ACBD6: variants seen among roughly 807,000 people sequenced by gnomAD.
ACBD6 encodes the protein acyl-CoA-binding domain-containing protein 6.
A neutral mutation model predicts 37.2 loss-of-function variants in ACBD6; 28 were observed. That is an observed-to-expected ratio of 0.75 (90% confidence interval 0.56 to 1.03). The LOEUF is 1.03. Among genes scored for constraint, ACBD6 ranks in the 50% least tolerant of loss-of-function variants. The pLI is 0.00. For synonymous variants in ACBD6, 113 were observed against 126.8 expected (o/e 0.89, Z 0.73); for missense variants, 340 against 337.4 (o/e 1.01, Z -0.06).
intron 3 of ACBD6, among the ~76,000 whole-genome samples, chr1:180,490,577 C>A (rs1651453763): frequency 6.6e-6 from 1 of 151,548 alleles, no homozygotes; most frequent in Non-Finnish European, 1.5e-5. Flanking sequence ...AGATCGAGAC[C>A]AACTTGGCTA....
At chr1:180,415,177 TC>T (rs1214273959) in intron 4 of ACBD6, among the ~76,000 whole-genome samples, 1 of 151,950 alleles carries the variant, frequency 6.6e-6, no homozygotes. Context: ...GGCGGGTGGA[TC>T]ATAAGGTCAG....
chr1:180,358,931 C>T (rs1322383760), intron 6 of ACBD6, among the ~76,000 whole-genome samples: 1 of 152,104 alleles, frequency 6.6e-6, no homozygotes, highest in Non-Finnish European at 1.5e-5. Context: ...ACTTACTGCA[C>T]CAGAAGTAAA....
rs554644006 is a variant in ACBD6 at position 180,372,507 on chromosome 1, T to C, written c.663+25009A>G. ...AACTTTTATGGTTACATATAAATCA[T>C]GATAATATAGGCCTGTTATTTTTCT... is the stretch of plus-strand genomic sequence containing the variant. On this transcript the variant is annotated intron_variant, in intron 6 of 7. Coordinates refer to ENST00000367595, the MANE Select transcript of ACBD6 (RefSeq NM_032360.4). Among the ~76,000 whole-genome samples the C allele has an allele frequency of 1.6e-4, 24 of 152,284 alleles. No individual in the cohort carries two copies. In the South Asian group the frequency reaches 4.8e-3, roughly 30 times the overall value.
At chr1:180,348,875 CATA>C (rs1416136709) in intron 6 of ACBD6, among the ~76,000 whole-genome samples, 11 of 152,150 alleles carry the variant, frequency 7.2e-5, no homozygotes, top group African/African-American at 2.7e-4. Flanking sequence ...TATTAGGCAA[CATA>C]TCAACAAATA....
At chr1:180,368,473 T>C (rs1048945648) in intron 6 of ACBD6, among the ~76,000 whole-genome samples, 1 of 152,174 alleles carries the variant, frequency 6.6e-6, no homozygotes, top group Non-Finnish European at 1.5e-5. Flanking sequence ...CAGGATGGTA[T>C]TGCCTAGGTT....
intron 3 of ACBD6, among the ~76,000 whole-genome samples, chr1:180,440,187 C>T (rs1215512042): frequency 1.3e-5 from 2 of 152,154 alleles, no homozygotes; most frequent in African/African-American, 2.4e-5. Flanking sequence ...CAGCTCACTA[C>T]AACCTCTGCC....
intron 6 of ACBD6, among the ~76,000 whole-genome samples, chr1:180,343,007 A>G (rs566581119): frequency 1.3e-5 from 2 of 152,190 alleles, no homozygotes; most frequent in South Asian, 4.1e-4. Flanking sequence ...CTTAAAGGAA[A>G]TGTTCAAATT....
At chr1:180,420,932 G>C (rs755179654) in intron 4 of ACBD6, among the ~76,000 whole-genome samples, 2 of 151,858 alleles carry the variant, frequency 1.3e-5, no homozygotes, top group Non-Finnish European at 2.9e-5. Flanking sequence ...GTCCTTTGTG[G>C]CATTTTTTTC....
chr1:180,294,008 C>T (rs889230320), intron 7 of ACBD6, among the ~76,000 whole-genome samples: 1 of 152,092 alleles, frequency 6.6e-6, no homozygotes, highest in Non-Finnish European at 1.5e-5. Context: ...GATTCTCCTG[C>T]TTCAGGCTCC....
At chr1:180,374,892 GAATTT>G (rs1044712330) in intron 6 of ACBD6, among the ~76,000 whole-genome samples, 24 of 151,954 alleles carry the variant, frequency 1.6e-4, no homozygotes, top group African/African-American at 5.6e-4. Context: ...AAACATTTAA[GAATTT>G]AATAAGAAAT....
At chr1:180,445,021 A>G (rs1270060876) in intron 3 of ACBD6, among the ~76,000 whole-genome samples, 1 of 152,178 alleles carries the variant, frequency 6.6e-6, no homozygotes, top group African/African-American at 2.4e-5. Flanking sequence ...ATTCATTTAT[A>G]GTCTAACTGT....
exon 10 of ACBD6, chr1:180,275,038 T>C (rs780118212): frequency 6.4e-6 from 1 of 156,448 alleles, no homozygotes; most frequent in Non-Finnish European, 1.4e-5. Context: ...AAAATAAAAG[T>C]GATTTCTGGA....
At chr1:180,482,174 T>C (rs1651077528) in intron 3 of ACBD6, among the ~76,000 whole-genome samples, 1 of 152,172 alleles carries the variant, frequency 6.6e-6, no homozygotes, top group African/African-American at 2.4e-5. Flanking sequence ...ACTGCCTTCA[T>C]AGGTAAGTAT....
intron 6 of ACBD6, among the ~76,000 whole-genome samples, chr1:180,388,502 T>A (rs954012321): frequency 1.3e-5 from 2 of 152,226 alleles, no homozygotes; most frequent in African/African-American, 4.8e-5. Flanking sequence ...AATGATATAA[T>A]CTTGTATATA....
intron 6 of ACBD6, among the ~76,000 whole-genome samples, chr1:180,396,543 G>T (rs1370083265): frequency 6.6e-6 from 1 of 152,114 alleles, no homozygotes; most frequent in Non-Finnish European, 1.5e-5. Flanking sequence ...TGCAAATCAT[G>T]TATCTGATAA....
intron 3 of ACBD6, among the ~76,000 whole-genome samples, chr1:180,489,481 A>G (rs1215881406): frequency 6.6e-6 from 1 of 151,168 alleles, no homozygotes; most frequent in African/African-American, 2.4e-5. Context: ...TATTCTTTTA[A>G]TGTTATTTAA....
intron 6 of ACBD6, among the ~76,000 whole-genome samples, chr1:180,336,595 T>A (rs950301227): frequency 6.8e-6 from 1 of 147,782 alleles, no homozygotes; most frequent in Non-Finnish European, 1.5e-5. Context: ...ACATCACAAT[T>A]AAAAGAACTA....
intron 9 of ACBD6, chr1:180,278,215 C>CTT (rs1005241098): frequency 2.6e-5 from 4 of 152,146 alleles, no homozygotes; most frequent in African/African-American, 9.7e-5. Flanking sequence ...AAACACTGCA[C>CTT]TTTAAAAATT....
chr1:180,308,398 G>T (rs2149287959), intron 7 of ACBD6, among the ~76,000 whole-genome samples: 1 of 152,196 alleles, frequency 6.6e-6, no homozygotes, highest in African/African-American at 2.4e-5. Context: ...GACGAACTTT[G>T]TACTGTATAG....
Sources: allele counts gnomAD v4.1 joint callset (sites outside exome capture counted in the v4.1 genomes callset), GRCh38; gene constraint gnomAD v4.1.1; transcripts MANE v1.5; gene names NCBI Gene and HGNC (gene_info 2026-07-23, HGNC 2026-07-21).